Variants in EML6 observed in about 807,000 individuals in gnomAD.
EML6 encodes the protein EMAP like 6, also known as echinoderm microtubule-associated protein-like 6.
EML6 carries 154 observed loss-of-function variants against 240.1 expected under a neutral mutation model. The observed-to-expected ratio is 0.64, with a 90% CI of 0.56 to 0.73. The LOEUF (loss-of-function observed/expected upper bound fraction) is 0.73, where lower values mean the gene tolerates loss of function less well. Ranked by LOEUF, EML6 falls within the 30% of genes least tolerant of loss-of-function variation. The probability of loss-of-function intolerance (pLI) is 0.00; values close to 1 mark genes in which losing one functional copy is unlikely to be tolerated. For missense variants in EML6, 2,964 were observed against 2,474.6 expected (o/e 1.20, Z -4.20); for synonymous variants, 1,148 against 899.0 (o/e 1.28, Z -4.95).
intron 2 of EML6, among the ~76,000 whole-genome samples, chr2:54,728,580 T>C (rs1441377970): frequency 6.6e-6 from 1 of 152,234 alleles, no homozygotes; most frequent in African/African-American, 2.4e-5. Flanking sequence ...GCATCACTTT[T>C]CAGGGCCTTG....
chr2:54,832,378 C>T (rs1302462699), intron 7 of EML6, among the ~76,000 whole-genome samples: 1 of 152,170 alleles, frequency 6.6e-6, no homozygotes, highest in Non-Finnish European at 1.5e-5. Flanking sequence ...AGCCACCTTC[C>T]ATAGCTCCGA....
At chr2:54,781,651 A>G (rs969937865) in intron 2 of EML6, among the ~76,000 whole-genome samples, 1 of 152,150 alleles carries the variant, frequency 6.6e-6, no homozygotes, top group South Asian at 2.1e-4. Context: ...ATTTACAAGT[A>G]TAAATAAATA....
At chr2:54,857,915 C>T (rs902189564) in intron 11 of EML6, among the ~76,000 whole-genome samples, 27 of 152,176 alleles carry the variant, frequency 1.8e-4, no homozygotes, top group African/African-American at 6.0e-4. Flanking sequence ...GACATTAATG[C>T]TTTTGCAGGT....
intron 7 of EML6, among the ~76,000 whole-genome samples, chr2:54,833,963 A>C (rs971266382): frequency 6.6e-6 from 1 of 152,226 alleles, no homozygotes; most frequent in Non-Finnish European, 1.5e-5. Flanking sequence ...ATTTAATTTC[A>C]AGATGCTGCC....
At chr2:54,928,582 A>C (rs1437729107) in intron 27 of EML6, 43 bp from the exon 28 acceptor site, 4 of 1,551,810 alleles carry the variant, frequency 2.6e-6, no homozygotes, top group Non-Finnish European at 3.5e-6. Context: ...TTCCTGGGCC[A>C]CTGCAAACCA....
intron 7 of EML6, among the ~76,000 whole-genome samples, chr2:54,832,575 T>C (rs1158604058): frequency 1.3e-5 from 2 of 152,192 alleles, no homozygotes; most frequent in Non-Finnish European, 2.9e-5. Context: ...GTAATCAAGA[T>C]GTAAATAGCT....
chr2:54,894,274 A>C (rs1672642036), intron 19 of EML6, among the ~76,000 whole-genome samples: 1 of 151,974 alleles, frequency 6.6e-6, no homozygotes, highest in African/African-American at 2.4e-5. Flanking sequence ...TAGTACAGCC[A>C]AAAAATTATA....
At chr2:54,737,748 G>A (rs988403166) in intron 2 of EML6, among the ~76,000 whole-genome samples, 1 of 152,198 alleles carries the variant, frequency 6.6e-6, no homozygotes, top group African/African-American at 2.4e-5. Context: ...TTGTGCGGTT[G>A]AACAGGTCGT....
intron 2 of EML6, among the ~76,000 whole-genome samples, chr2:54,755,594 G>C (rs1684362940): frequency 1.3e-5 from 2 of 152,088 alleles, no homozygotes; most frequent in South Asian, 2.1e-4. Context: ...GATGGGTTTT[G>C]ATGCTATTGC....
rs111990508 is a variant in EML6 at position 54,749,110 on chromosome 2, A to G, written c.197+23852A>G. 2.3e-3 allele frequency among the ~76,000 whole-genome samples: 344 copies of G among 152,320 alleles called. 2 individuals are homozygous for G. Among genetic ancestry groups the G allele is most frequent in the African/African-American group, 7.9e-3 (328 of 41,562 alleles). Reference sequence around the variant, plus strand: ...ATTGCCTTTCAAAAAGAGATGTACCAATGGACATGTAGGAAAATGATATTC... The same window carrying G: ...ATTGCCTTTCAAAAAGAGATGTACCGATGGACATGTAGGAAAATGATATTC... On this transcript the variant is annotated intron_variant, in intron 2 of 41. Coordinates refer to ENST00000356458, the MANE Select transcript of EML6 (RefSeq NM_001039753.4).
chr2:54,808,678 A>G (rs1346088052), intron 2 of EML6, among the ~76,000 whole-genome samples: 1 of 152,214 alleles, frequency 6.6e-6, no homozygotes, highest in African/African-American at 2.4e-5. Flanking sequence ...TTTTGCCTCA[A>G]GGAATCAAGA....
At chr2:54,885,481 T>G (rs1484287538) in intron 17 of EML6, among the ~76,000 whole-genome samples, 2 of 152,112 alleles carry the variant, frequency 1.3e-5, no homozygotes, top group Non-Finnish European at 2.9e-5. Context: ...ATGCTTAATG[T>G]TTTTATGGTT....
At chr2:54,889,643 C>T (rs1467839328) in intron 17 of EML6, among the ~76,000 whole-genome samples, 1 of 151,914 alleles carries the variant, frequency 6.6e-6, no homozygotes, top group East Asian at 1.9e-4. Context: ...ATATACTGTA[C>T]CTTTACTAAA....
rs1016787008 is a variant in EML6 at position 54,913,069 on chromosome 2, C to G, written c.3498+2027C>G. Among the ~76,000 whole-genome samples, 4 of 97,474 alleles carry G rather than the reference C, an allele frequency of 4.1e-5. No individual in the cohort carries two copies. In the East Asian group the frequency reaches 8.9e-4, roughly 22 times the overall value. 63.9% of individuals were successfully genotyped at this position (97,474 alleles called of 152,430 possible). A position where few individuals can be genotyped will look rare whatever the true frequency, so the allele number is the denominator to read the frequency against. ...CTTTACTCTTCAGCCTTGCCAGATT[C>G]TGTTTTTTTTTTTTTTTTTTTTACT... is the stretch of plus-strand genomic sequence containing the variant. On this transcript the variant is annotated intron_variant, in intron 25 of 41. Coordinates refer to ENST00000356458, the MANE Select transcript of EML6 (RefSeq NM_001039753.4).
intron 17 of EML6, among the ~76,000 whole-genome samples, chr2:54,883,072 C>G (rs80287190): frequency 0.022 from 3,369 of 151,756 alleles, 116 homozygotes; most frequent in African/African-American, 0.073. Context: ...AACACTTATT[C>G]TTTCCTCTGT....
rs1668119695 is a variant in EML6 at position 54,817,226 on chromosome 2, A to C, written c.456+341A>C. ...GAAATAGTTGTTAGAAAATAGTCACAAAATATGATTACAAGGGTATGCATT... is the reference window on the plus strand; with the variant it reads ...GAAATAGTTGTTAGAAAATAGTCACCAAATATGATTACAAGGGTATGCATT... On this transcript the variant is annotated intron_variant, in intron 4 of 41. Transcript: ENST00000356458. 3.9e-5 allele frequency among the ~76,000 whole-genome samples: 6 copies of C among 152,234 alleles called. No individual in the cohort carries two copies. In the South Asian group the frequency reaches 1.2e-3, roughly 32 times the overall value.
intron 28 of EML6, among the ~76,000 whole-genome samples, chr2:54,939,856 C>T (rs6745445): frequency 0.019 from 2,951 of 152,322 alleles, 98 homozygotes; most frequent in African/African-American, 0.066. Context: ...TTTCACTTCA[C>T]AAACTGCCTT....
At chr2:54,882,095 C>T (rs1671844991) in intron 17 of EML6, 1 of 152,160 alleles carries the variant, frequency 6.6e-6, no homozygotes. Flanking sequence ...TAGCAGCTCA[C>T]AGAAACTAGA....
rs537947889 is a variant in EML6, at chr2:54,889,027, A to T, written c.2439-2027A>T. On this transcript the variant is annotated intron_variant, in intron 17 of 41. Coordinates refer to ENST00000356458, the MANE Select transcript of EML6 (RefSeq NM_001039753.4). ...CTCCACAGACTAGCCAGCATTTGGC[A>T]TCAAACACCATTTATTTTAAAAGTT... Among the ~76,000 whole-genome samples, 112 of 152,350 alleles carry T rather than the reference A, an allele frequency of 7.4e-4. No individual in the cohort carries two copies. The Middle Eastern group carries it at 0.017, about 23-fold the overall frequency.
Sources: gnomAD v4.1 joint callset for allele counts (sites outside exome capture counted in the v4.1 genomes callset) on GRCh38, gnomAD v4.1.1 for gene constraint, MANE v1.5 for transcripts, NCBI Gene and HGNC (gene_info 2026-07-23, HGNC 2026-07-21) for gene names.